Variants in CDH3 observed in about 807,000 individuals in gnomAD.
CDH3 encodes cadherin 3, also known as cadherin-3.
In CDH3, 54 loss-of-function variants were observed where a neutral mutation model predicts 82.0. That is an observed-to-expected ratio of 0.66 (90% CI 0.53 to 0.83). CDH3 has a LOEUF of 0.83. CDH3 is among the 40% of genes least tolerant of loss of function. CDH3 has a pLI of 0.00. For synonymous variants in CDH3, 446 were observed against 437.9 expected (o/e 1.02, Z -0.23); for missense variants, 1,054 against 1,084.6 (o/e 0.97, Z 0.40).
intron 2 of CDH3, among the ~76,000 whole-genome samples, chr16:68,656,846 T>A (rs1000787606): frequency 3.9e-5 from 6 of 152,192 alleles, no homozygotes; most frequent in African/African-American, 1.4e-4. Flanking sequence ...GGCAGGCACT[T>A]CTGCCCAGGA....
intron 1 of CDH3, among the ~76,000 whole-genome samples, chr16:68,714,511 G>A (rs1390441470): frequency 6.6e-6 from 1 of 152,110 alleles, no homozygotes; most frequent in Non-Finnish European, 1.5e-5. Flanking sequence ...GAAGCCTTCT[G>A]GATTTAGTAT....
intron 2 of CDH3, among the ~76,000 whole-genome samples, chr16:68,671,325 C>A (rs1960878499): frequency 6.6e-6 from 1 of 151,138 alleles, no homozygotes; most frequent in African/African-American, 2.4e-5. Flanking sequence ...TTTGCCATAA[C>A]AAAGTGCCAG....
Position 68,687,437 on chromosome 16 carries a change from G to A in CDH3, c.1571-75G>A, listed in dbSNP as rs2296406. ...AGGTCTTGAGAGGTGAGAGCTGGGCGGTAAACAGGAGGAGCCCCCCTGAGG... is the reference window on the plus strand; with the variant it reads ...AGGTCTTGAGAGGTGAGAGCTGGGCAGTAAACAGGAGGAGCCCCCCTGAGG... On this transcript the variant is annotated intron_variant, in intron 11 of 15. Coordinates refer to ENST00000264012, the MANE Select transcript of CDH3 (RefSeq NM_001793.6). The A allele has an allele frequency of 0.6, 670,522 of 1,118,274 alleles. 202,238 individuals are homozygous for A. The highest frequency in any genetic ancestry group is 0.67 in the African/African-American group (43,779 of 65,546). The allele number at this position is 1,118,274 out of a possible 1,614,324, so 69.3% of individuals were successfully genotyped here. A position where few individuals can be genotyped will look rare whatever the true frequency, so the allele number is the denominator to read the frequency against.
At chr16:68,650,085 AG>A (rs1196971610) in intron 2 of CDH3, among the ~76,000 whole-genome samples, 2 of 151,008 alleles carry the variant, frequency 1.3e-5, no homozygotes, top group Admixed American at 6.6e-5. Context: ...TAGCATGGAG[AG>A]GGGGTCAGGT....
chr16:68,732,506 G>T, the CDH3 span, among the ~76,000 whole-genome samples: 1 of 152,180 alleles, frequency 6.6e-6, no homozygotes, highest in African/African-American at 2.4e-5. Flanking sequence ...CATCATGCGG[G>T]GTCTGTTATC....
At chr16:68,725,244 A>T (rs1962206774) in intron 2 of CDH3, among the ~76,000 whole-genome samples, 1 of 152,036 alleles carries the variant, frequency 6.6e-6, no homozygotes, top group Non-Finnish European at 1.5e-5. Flanking sequence ...GTTCAGGAAA[A>T]ATCTTGTCCC....
At chr16:68,731,078 A>G (rs1165867158), downstream of CDH3, among the ~76,000 whole-genome samples, 1 of 120,960 alleles carries the variant, frequency 8.3e-6, no homozygotes, top group East Asian at 2.3e-4. Flanking sequence ...ATATATATAT[A>G]ATTATAAAAA....
chr16:68,654,500 C>A (rs1321386733), intron 2 of CDH3, among the ~76,000 whole-genome samples: 1 of 123,566 alleles, frequency 8.1e-6, no homozygotes, highest in Admixed American at 9.4e-5. Flanking sequence ...GTCAAGAGTT[C>A]GAGACCAGCC....
intron 2 of CDH3, among the ~76,000 whole-genome samples, chr16:68,724,880 C>T (rs1962202624): frequency 6.6e-6 from 1 of 152,110 alleles, no homozygotes; most frequent in African/African-American, 2.4e-5. Context: ...TGGGGCTAGG[C>T]TGAACTTGGC....
At position 68,695,307 on chromosome 16, in the gene CDH3, G is replaced by C. The variant is rs1340391079; in HGVS notation, c.2055G>C (p.Glu685Asp). ...TGAGAAAGAAGCGGAAGATCAAGGA[G>C]CCCCTCCTACTCCCAGAAGATGACA... The part of the protein sequence containing the change: ...LLVRKKRKIK[E>D]PLLLPEDDTR... Residue 685 changes from glutamate to aspartate, a missense_variant, in exon 14 of 16, where the codon GAG becomes GAC. Coordinates refer to ENST00000264012, the MANE Select transcript of CDH3 (RefSeq NM_001793.6). 1.9e-6 allele frequency: 3 copies of C among 1,614,094 alleles called. No homozygotes were observed. In the African/African-American group the frequency reaches 4.0e-5, roughly 22 times the overall value.
chr16:68,662,362 G>A (rs1441990708), intron 2 of CDH3, among the ~76,000 whole-genome samples: 1 of 152,130 alleles, frequency 6.6e-6, no homozygotes, highest in Non-Finnish European at 1.5e-5. Context: ...GGAGGCAGAG[G>A]CAGGAGGATC....
intron 10 of CDH3, 103 bp from the exon 11 acceptor site, chr16:68,685,102 A>G (rs966106745): frequency 1.5e-5 from 21 of 1,369,280 alleles, no homozygotes; most frequent in Admixed American, 6.8e-5. Flanking sequence ...GATCCTGCTT[A>G]GGAGCCCAGA....
the CDH3 span, among the ~76,000 whole-genome samples, chr16:68,732,547 C>T: frequency 1.3e-5 from 2 of 152,186 alleles, no homozygotes; most frequent in East Asian, 1.9e-4. Flanking sequence ...TATCTATCTG[C>T]GGTGATCTGA....
downstream of CDH3, among the ~76,000 whole-genome samples, chr16:68,732,102 G>A (rs191056351): frequency 1.3e-5 from 2 of 148,636 alleles, no homozygotes; most frequent in East Asian, 2.0e-4. Context: ...AGTTAGCACC[G>A]TTTCAACTGG....
At chr16:68,658,661 C>A (rs949092292) in intron 2 of CDH3, among the ~76,000 whole-genome samples, 2 of 152,158 alleles carry the variant, frequency 1.3e-5, no homozygotes, top group African/African-American at 4.8e-5. Context: ...GGACAGGACG[C>A]CAGGCCCACA....
At chr16:68,672,202 A>AT (rs1377646993) in intron 2 of CDH3, among the ~76,000 whole-genome samples, 2 of 77,104 alleles carry the variant, frequency 2.6e-5, no homozygotes, top group Non-Finnish European at 5.2e-5. Context: ...AAAAAAAAAA[A>AT]AATAAATAAA....
chr16:68,687,614 A>G lies in CDH3; in HGVS notation c.1673A>G (p.Gln558Arg), dbSNP rs772381410. The G allele has an allele frequency of 6.2e-7, 1 of 1,614,138 alleles. No individual in the cohort carries two copies. Among genetic ancestry groups the G allele is most frequent in the East Asian group, 2.2e-5 (1 of 44,876 alleles). Residue 558 changes from glutamine (Q) to arginine (R), a missense_variant, in exon 12 of 16, where the codon CAA becomes CGA. By Grantham distance (43) the Gln-to-Arg change is conservative. Transcript: ENST00000264012. Reference protein sequence around the residue: ...PEPRQITICNQSPVRQVLNIT... With the variant: ...PEPRQITICNRSPVRQVLNIT... ...CCCCGTCAGATCACCATCTGCAACC[A>G]AAGCCCTGTGCGCCAGGTGCTGAAC...
intron 2 of CDH3, among the ~76,000 whole-genome samples, chr16:68,656,189 G>A (rs1177564373): frequency 1.3e-5 from 2 of 152,064 alleles, no homozygotes; most frequent in Non-Finnish European, 2.9e-5. Flanking sequence ...AAAGTGTTTG[G>A]GGAAATCCCA....
downstream of CDH3, among the ~76,000 whole-genome samples, chr16:68,729,973 G>A (rs1962266742): frequency 6.6e-6 from 1 of 152,138 alleles, no homozygotes; most frequent in African/African-American, 2.4e-5. Context: ...AGTAGCTCAT[G>A]CCTGTAATCC....
Sources: allele counts gnomAD v4.1 joint callset (sites outside exome capture counted in the v4.1 genomes callset), GRCh38; gene constraint gnomAD v4.1.1; transcripts MANE v1.5; gene names NCBI Gene and HGNC (gene_info 2026-07-23, HGNC 2026-07-21).